The following MXD4 variants were observed in gnomAD, a reference collection of about 807,000 sequenced individuals.
MXD4 encodes the protein MAX dimerization protein 4.
MXD4 carries 16 observed loss-of-function variants against 24.5 expected under a neutral mutation model. The observed-to-expected ratio is 0.65, with a 90% confidence interval of 0.44 to 0.99. The LOEUF (loss-of-function observed/expected upper bound fraction) is 0.99, where lower values mean the gene tolerates loss of function less well. Ranked by LOEUF, MXD4 falls within the 50% of genes least tolerant of loss-of-function variation. MXD4 has a pLI of 0.00. For synonymous variants in MXD4, 164 were observed against 134.2 expected (o/e 1.22, Z -1.54); for missense variants, 301 against 301.5 (o/e 1.00, Z 0.01).
intron 2 of MXD4, among the ~76,000 whole-genome samples, chr4:2,259,592 C>T (rs1196220212): frequency 6.6e-6 from 1 of 152,166 alleles, no homozygotes; most frequent in Non-Finnish European, 1.5e-5. Context: ...AAAAGCCTAC[C>T]TGCCTACCCC....
chr4:2,250,257 T>A lies in MXD4; in HGVS notation c.*287A>T. On this transcript the variant is annotated 3_prime_UTR_variant, in exon 6 of 6. Transcript: ENST00000337190. ...GCAATGACGTTTAATACTTCTGGAA[T>A]GATTAGGAATCTGAGAACAGACCGT... The A allele has an allele frequency of 2.0e-6, 1 of 496,166 alleles. No individual in the cohort carries two copies. Among genetic ancestry groups the A allele is most frequent in the Non-Finnish European group, 3.6e-6 (1 of 278,654 alleles). The allele number at this position is 496,166 out of a possible 1,614,324, so 30.7% of individuals were successfully genotyped here.
chr4:2,253,619 C>T (rs577344304), intron 3 of MXD4: 1 of 152,356 alleles, frequency 6.6e-6, no homozygotes, highest in South Asian at 2.1e-4. Context: ...GGTGCCAACA[C>T]TGAGCACCCC....
In MXD4 at chr4:2,248,745, C is replaced by T. The variant is rs1475517879; in HGVS notation, c.*1799G>A. 2 of 152,320 alleles carry T rather than the reference C, an allele frequency of 1.3e-5. No individual in the cohort carries two copies. Among genetic ancestry groups the T allele is most frequent in the Non-Finnish European group, 2.9e-5 (2 of 68,106 alleles). The allele number at this position is 152,320 out of a possible 1,614,324, so 9.4% of individuals were successfully genotyped here. A position where few individuals can be genotyped will look rare whatever the true frequency, so the allele number is the denominator to read the frequency against. On this transcript the variant is annotated 3_prime_UTR_variant, in exon 6 of 6. Coordinates refer to ENST00000337190, the MANE Select transcript of MXD4 (RefSeq NM_006454.3). ...GGACCCCCTTCCGCCACAGTGGGCC[C>T]CCCATCCTGGGGCGTCTATGCGTAC...
At chr4:2,261,519 C>T (rs1256896105) in intron 2 of MXD4, among the ~76,000 whole-genome samples, 3 of 149,890 alleles carry the variant, frequency 2.0e-5, no homozygotes, top group Non-Finnish European at 3.0e-5. Flanking sequence ...GAGGCGCGGC[C>T]GCGGGAAGAT....
chr4:2,260,169 G>T (rs908767312), intron 2 of MXD4, among the ~76,000 whole-genome samples: 1 of 152,220 alleles, frequency 6.6e-6, no homozygotes, highest in Non-Finnish European at 1.5e-5. Context: ...GGAGCCAGGG[G>T]AGATGCACCA....
chr4:2,259,897 C>A (rs1365497123), intron 2 of MXD4, among the ~76,000 whole-genome samples: 2 of 152,218 alleles, frequency 1.3e-5, no homozygotes, highest in Non-Finnish European at 2.9e-5. Flanking sequence ...TCCCTCAACC[C>A]TGACACTGTC....
In MXD4 at chr4:2,250,321, G is replaced by A; in HGVS notation, c.*223C>T. On this transcript the variant is annotated 3_prime_UTR_variant, in exon 6 of 6. Transcript: ENST00000337190. ...GACCAGGGCTCCGGATGTGGAAGCT[G>A]GGCCCTGCCTCCTTGCAGGGGACTC... 4.9e-6 allele frequency: 3 copies of A among 608,258 alleles called. No homozygotes were observed. Among genetic ancestry groups the A allele is most frequent in the Non-Finnish European group, 8.5e-6 (3 of 352,384 alleles). The allele number at this position is 608,258 out of a possible 1,614,324, so 37.7% of individuals were successfully genotyped here. A position where few individuals can be genotyped will look rare whatever the true frequency, so the allele number is the denominator to read the frequency against.
At chr4:2,256,987 T>G (rs1244175446) in intron 3 of MXD4, among the ~76,000 whole-genome samples, 1 of 152,166 alleles carries the variant, frequency 6.6e-6, no homozygotes, top group Non-Finnish European at 1.5e-5. Flanking sequence ...TCTTGGGCCC[T>G]GTACCTGCCC....
At chr4:2,256,221 C>G (rs561467266) in intron 3 of MXD4, among the ~76,000 whole-genome samples, 5 of 152,226 alleles carry the variant, frequency 3.3e-5, no homozygotes, top group Non-Finnish European at 7.3e-5. Context: ...GTGAGGTCAG[C>G]AGCCAAGAAG....
At chr4:2,258,871 C>G in intron 2 of MXD4, 4 of 455,586 alleles carry the variant, frequency 8.8e-6, no homozygotes, top group South Asian at 6.2e-5. Context: ...ACAGTGGCCC[C>G]ACCTGCTGCT....
At chr4:2,250,781 T>C (rs1735303569) in intron 5 of MXD4, 80 bp from the exon 6 acceptor site, 4 of 1,525,766 alleles carry the variant, frequency 2.6e-6, no homozygotes, top group Non-Finnish European at 3.6e-6. Context: ...AAGCAGAAGC[T>C]CTAGGCAGAG....
intron 2 of MXD4, among the ~76,000 whole-genome samples, chr4:2,261,333 C>T (rs1196477941): frequency 6.6e-6 from 1 of 152,194 alleles, no homozygotes; most frequent in Non-Finnish European, 1.5e-5. Flanking sequence ...CCGGCAGCCC[C>T]CGCAGACCCT....
At chr4:2,259,917 C>A (rs1245911672) in intron 2 of MXD4, among the ~76,000 whole-genome samples, 1 of 152,236 alleles carries the variant, frequency 6.6e-6, no homozygotes, top group African/African-American at 2.4e-5. Context: ...CCTCCGGCCC[C>A]ACTCCCTACC....
At chr4:2,254,425 C>T (rs1488188719) in intron 3 of MXD4, 2 of 152,150 alleles carry the variant, frequency 1.3e-5, no homozygotes, top group African/African-American at 2.4e-5. Flanking sequence ...CGTCTCCAGG[C>T]GAAGCACCCG....
intron 2 of MXD4, among the ~76,000 whole-genome samples, chr4:2,261,009 G>C (rs142660879): frequency 6.6e-6 from 1 of 152,238 alleles, no homozygotes; most frequent in Non-Finnish European, 1.5e-5. Context: ...AAGGTATGGA[G>C]GGCGCAGCTG....
At chr4:2,255,202 TC>T (rs767043996) in intron 3 of MXD4, 25 of 407,728 alleles carry the variant, frequency 6.1e-5, no homozygotes, top group South Asian at 4.4e-4. Flanking sequence ...GAGAACAAGG[TC>T]CCCTCCTTAT....
chr4:2,251,116 C>A lies in MXD4; in HGVS notation c.440G>T (p.Gly147Val). The A allele has an allele frequency of 6.3e-7, 1 of 1,589,200 alleles. No homozygotes were observed. The highest frequency in any genetic ancestry group is 8.6e-7 in the Non-Finnish European group (1 of 1,164,736). Residue 147 changes from glycine to valine, a missense_variant, in exon 5 of 6, where the codon GGC (glycine) becomes GTC (valine). Coordinates refer to ENST00000337190, the MANE Select transcript of MXD4 (RefSeq NM_006454.3). The part of the protein sequence containing the change: ...SVERVRTDST[G>V]SAVSTDDSEQ... Reference sequence around the variant, plus strand: ...TGAGTCGTCCGTGGAGACAGCAGAGCCCGTGCTATCTGTGCGCACGCGCTC... The same window carrying A: ...TGAGTCGTCCGTGGAGACAGCAGAGACCGTGCTATCTGTGCGCACGCGCTC...
In MXD4 at chr4:2,248,429, G is replaced by A. The variant is rs943276021; in HGVS notation, c.*2115C>T. The A allele has an allele frequency of 2.6e-5, 4 of 152,458 alleles. No individual in the cohort carries two copies. Among genetic ancestry groups the A allele is most frequent in the African/African-American group, 7.2e-5 (3 of 41,462 alleles). 9.4% of individuals were successfully genotyped at this position (152,458 alleles called of 1,614,324 possible). ...GGGAGCTGGTGCTTCAAGAATTGAGGGCAGGGACACGACCACCTCAGGGCC... is the reference window on the plus strand; with the variant it reads ...GGGAGCTGGTGCTTCAAGAATTGAGAGCAGGGACACGACCACCTCAGGGCC... On this transcript the variant is annotated 3_prime_UTR_variant, in exon 6 of 6. Coordinates refer to ENST00000337190, the MANE Select transcript of MXD4 (RefSeq NM_006454.3).
chr4:2,260,501 A>AT (rs1735518133), intron 2 of MXD4: 4 of 454,018 alleles, frequency 8.8e-6, no homozygotes, highest in Non-Finnish European at 1.3e-5. Flanking sequence ...CACGCCCCAG[A>AT]GTTCTCCACG....
Sources: gnomAD v4.1 joint callset for allele counts (sites outside exome capture counted in the v4.1 genomes callset) on GRCh38, gnomAD v4.1.1 for gene constraint, MANE v1.5 for transcripts, NCBI Gene and HGNC (gene_info 2026-07-23, HGNC 2026-07-21) for gene names.